Variants in ITSN2 observed in about 807,000 individuals in gnomAD.
ITSN2 encodes the protein intersectin 2.
In ITSN2, 156 loss-of-function variants were observed where a neutral mutation model predicts 243.7. The observed-to-expected ratio is 0.64, with a 90% confidence interval of 0.56 to 0.73. The LOEUF is 0.73. Ranked by LOEUF, ITSN2 falls within the 30% of genes least tolerant of loss-of-function variation. The pLI is 0.00. For synonymous variants in ITSN2, 703 were observed against 699.9 expected (o/e 1.00, Z -0.07); for missense variants, 1,801 against 1,996.1 (o/e 0.90, Z 1.86).
chr2:24,298,155 C>G (rs1681225387), intron 13 of ITSN2, among the ~76,000 whole-genome samples: 1 of 151,168 alleles, frequency 6.6e-6, no homozygotes, highest in African/African-American at 2.4e-5. Context: ...CCACGGCCAG[C>G]TAATTTTTGT....
chr2:24,263,485 C>A (rs1238241295), intron 20 of ITSN2, among the ~76,000 whole-genome samples: 1 of 152,078 alleles, frequency 6.6e-6, no homozygotes, highest in Non-Finnish European at 1.5e-5. Flanking sequence ...ATGTATATAC[C>A]TGTGAAAAAT....
chr2:24,205,572 C>T, intron 37 of ITSN2: 1 of 396,934 alleles, frequency 2.5e-6, no homozygotes, highest in East Asian at 5.2e-5. Flanking sequence ...CTCCCAGATC[C>T]CTTCCCTCCT....
chr2:24,259,900 T>A (rs1348340517), intron 22 of ITSN2, among the ~76,000 whole-genome samples: 1 of 152,188 alleles, frequency 6.6e-6, no homozygotes, highest in Non-Finnish European at 1.5e-5. Context: ...TAGATTATGA[T>A]CTACTGAATG....
At chr2:24,267,491 A>C (rs1386645525) in intron 20 of ITSN2, among the ~76,000 whole-genome samples, 1 of 151,908 alleles carries the variant, frequency 6.6e-6, no homozygotes, top group East Asian at 1.9e-4. Context: ...ACACACATTT[A>C]CCACATTTAC....
At chr2:24,240,254 G>A (rs1442586775) in intron 29 of ITSN2, 1 of 152,060 alleles carries the variant, frequency 6.6e-6, no homozygotes, top group Non-Finnish European at 1.5e-5. Context: ...AAAATAAAAG[G>A]CAAGAACAGG....
chr2:24,254,328 AT>A, intron 24 of ITSN2, 38 bp downstream of exon 24: 1 of 1,381,596 alleles, frequency 7.2e-7, no homozygotes, highest in Non-Finnish European at 1.0e-6. Flanking sequence ...CAAGAGCTAA[AT>A]TGATTACCAT....
chr2:24,359,611 T>G (rs1367271214), intron 1 of ITSN2, among the ~76,000 whole-genome samples: 2 of 152,162 alleles, frequency 1.3e-5, no homozygotes, highest in Non-Finnish European at 2.9e-5. Flanking sequence ...ACCCACTCAC[T>G]ATGCATATGC....
At chr2:24,210,662 G>A (rs1669389385) in intron 34 of ITSN2, 118 bp downstream of exon 34, 4 of 795,868 alleles carry the variant, frequency 5.0e-6, no homozygotes, top group East Asian at 2.8e-5. Flanking sequence ...GCAGGGGCAG[G>A]GTGGTGAGTC....
chr2:24,319,789 T>G (rs1684341931), intron 2 of ITSN2, among the ~76,000 whole-genome samples: 1 of 152,220 alleles, frequency 6.6e-6, no homozygotes, highest in Middle Eastern at 3.2e-3. Context: ...AAACATTTTC[T>G]TTCCAAGCAT....
At chr2:24,321,140 T>A (rs1313554432) in intron 2 of ITSN2, among the ~76,000 whole-genome samples, 1 of 152,216 alleles carries the variant, frequency 6.6e-6, no homozygotes, top group Non-Finnish European at 1.5e-5. Flanking sequence ...TCTCTGAGGA[T>A]GTCTGCATTG....
chr2:24,242,403 A>G (rs762825567), intron 29 of ITSN2, among the ~76,000 whole-genome samples: 1 of 152,190 alleles, frequency 6.6e-6, no homozygotes, highest in African/African-American at 2.4e-5. Context: ...ATGGTAATCT[A>G]TAATTTAACT....
At position 24,217,945 on chromosome 2, in the gene ITSN2, G is replaced by A; in HGVS notation, c.3768C>T (p.Asn1256=). The change falls in exon 31 of 40, where the codon AAC becomes AAT. Residue 1256 remains asparagine (N), a synonymous_variant. Transcript: ENST00000355123. Reference sequence around the variant, plus strand: ...TGTTGGACATGATGAGCTCCTTCCAGTTAACAAAAATCAGGGCCATCTCCC... The same window carrying A: ...TGTTGGACATGATGAGCTCCTTCCAATTAACAAAAATCAGGGCCATCTCCC... ...TEGEMALIFV[N]WKELIMSNTK... is the part of the protein sequence containing the mutation. 1 of 1,614,018 alleles carries A rather than the reference G, an allele frequency of 6.2e-7. No individual in the cohort carries two copies. The highest frequency in any genetic ancestry group is 8.5e-7 in the Non-Finnish European group (1 of 1,179,932).
intron 15 of ITSN2, among the ~76,000 whole-genome samples, chr2:24,286,821 T>C (rs1025725662): frequency 2.0e-5 from 3 of 152,182 alleles, no homozygotes; most frequent in Admixed American, 1.3e-4. Context: ...TCAGTAAGTA[T>C]TACTAACTGG....
chr2:24,262,479 T>A (rs1320168646), intron 20 of ITSN2, among the ~76,000 whole-genome samples: 1 of 152,214 alleles, frequency 6.6e-6, no homozygotes, highest in Admixed American at 6.5e-5. Flanking sequence ...AGGTGATTTA[T>A]CAATTTCATT....
At chr2:24,269,529 T>C (rs1462624069) in intron 20 of ITSN2, among the ~76,000 whole-genome samples, 1 of 152,160 alleles carries the variant, frequency 6.6e-6, no homozygotes, top group Non-Finnish European at 1.5e-5. Flanking sequence ...TATGTTTCTG[T>C]TGTCACTGCC....
chr2:24,252,559 A>G (rs760453563), intron 24 of ITSN2, 48 bp from the exon 25 acceptor site: 2 of 1,401,014 alleles, frequency 1.4e-6, no homozygotes, highest in Admixed American at 2.0e-5. Context: ...TTAAGATTAC[A>G]GAAGTGAAAA....
At chr2:24,305,576 C>CCAA (rs1169770413) in intron 8 of ITSN2, among the ~76,000 whole-genome samples, 31 of 40,908 alleles carry the variant, frequency 7.6e-4, no homozygotes, top group South Asian at 1.5e-3. Flanking sequence ...GACTCTGTCT[C>CCAA]AAAAAAAAAA....
At chr2:24,260,940 A>G (rs2151388489) in intron 22 of ITSN2, among the ~76,000 whole-genome samples, 166 bp downstream of exon 22, 1 of 151,266 alleles carries the variant, frequency 6.6e-6, no homozygotes, top group East Asian at 1.9e-4. Flanking sequence ...GAAACCTCTA[A>G]GTAATAGTCA....
rs1009067025 is a variant in ITSN2, at chr2:24,225,630, A to C, written c.3578-4564T>G. 1.3e-5 allele frequency among the ~76,000 whole-genome samples: 2 copies of C among 151,904 alleles called. No homozygotes were observed. The highest frequency in any genetic ancestry group is 1.3e-4 in the Admixed American group (2 of 15,242). Reference sequence around the variant, plus strand: ...TGCTGCCTGGCTCTCTGCTCCCCCCAGTCCAGCAAATGCCAAAATAGGCTC... The same window carrying C: ...TGCTGCCTGGCTCTCTGCTCCCCCCCGTCCAGCAAATGCCAAAATAGGCTC... On this transcript the variant is annotated intron_variant, in intron 29 of 39. Transcript: ENST00000355123. The surrounding 1 kb of genome is among the most constrained non-coding windows in gnomAD (Gnocchi z 4.2).
Sources: gnomAD v4.1 joint callset for allele counts (sites outside exome capture counted in the v4.1 genomes callset) on GRCh38, gnomAD v4.1.1 for gene constraint, Gnocchi (gnomAD v3.1) non-coding constraint, MANE v1.5 for transcripts, NCBI Gene and HGNC (gene_info 2026-07-23, HGNC 2026-07-21) for gene names.